ZFPM1: variants seen among roughly 807,000 people sequenced by gnomAD.
ZFPM1 encodes zinc finger protein, FOG family member 1, also known as zinc finger protein ZFPM1.
Under a neutral mutation model 46.3 loss-of-function variants are expected in ZFPM1, and 28 were observed. That is an observed-to-expected ratio of 0.60 (90% CI 0.45 to 0.83). The LOEUF (loss-of-function observed/expected upper bound fraction) is 0.83. Among genes scored for constraint, ZFPM1 ranks in the 40% least tolerant of loss-of-function variants. The pLI, the probability that ZFPM1 is intolerant of heterozygous loss-of-function variation, is 0.00. For missense variants in ZFPM1, 1,878 were observed against 1,432.4 expected (o/e 1.31, Z -5.02); for synonymous variants, 957 against 675.9 (o/e 1.42, Z -6.45).
rs767309616 is a variant in ZFPM1 at position 88,533,712 on chromosome 16, C to T, written c.1754C>T (p.Thr585Ile). Residue 585 changes from threonine (T) to isoleucine (I), a missense_variant, in exon 10 of 10, where the codon ACC becomes ATC. Thr to Ile is a moderately conservative substitution (Grantham distance 89, BLOSUM62 -1). Transcript: ENST00000319555. ...GCTACGTGCTTCGAGTGCGAGATCA[C>T]CTTCAGCAACGTCAACAACTACTAC... ...KGATCFECEI[T>I]FSNVNNYYVH... is the part of the protein sequence containing the mutation. 3 of 1,515,768 alleles carry T rather than the reference C, an allele frequency of 2.0e-6. No individual in the cohort carries two copies. Among genetic ancestry groups the T allele is most frequent in the Non-Finnish European group, 2.7e-6 (3 of 1,127,060 alleles). 93.9% of individuals were successfully genotyped at this position (1,515,768 alleles called of 1,614,324 possible).
intron 1 of ZFPM1, among the ~76,000 whole-genome samples, chr16:88,459,585 TC>T (rs1330899511): frequency 4.8e-5 from 4 of 82,916 alleles, no homozygotes; most frequent in African/African-American, 2.0e-4. Context: ...TTCTTCCTCC[TC>T]CCCCTCCTCC....
chr16:88,532,757 C>T (rs767439643), intron 8 of ZFPM1, 32 bp from the exon 9 acceptor site: 1 of 1,612,902 alleles, frequency 6.2e-7, no homozygotes, highest in Non-Finnish European at 8.5e-7. Context: ...CCTCCCCGCC[C>T]TGGGCCTTGA....
At chr16:88,504,502 G>T (rs548056911) in intron 3 of ZFPM1, among the ~76,000 whole-genome samples, 140 of 152,246 alleles carry the variant, frequency 9.2e-4, no homozygotes, top group African/African-American at 3.1e-3. Flanking sequence ...CAATCTCCCA[G>T]CTTGGAGGTG....
intron 3 of ZFPM1, chr16:88,489,404 G>A (rs912843709): frequency 2.0e-6 from 1 of 487,970 alleles, no homozygotes; most frequent in African/African-American, 2.0e-5. Context: ...CTGGATCAGA[G>A]CCTGGTCTGG....
chr16:88,469,152 A>G lies in ZFPM1; in HGVS notation c.40+15474A>G, dbSNP rs1908299601. On this transcript the variant is annotated intron_variant, in intron 1 of 9. Coordinates refer to ENST00000319555, the MANE Select transcript of ZFPM1 (RefSeq NM_153813.3). This position sits in a 1 kb window ranked among gnomAD's most constrained non-coding sequence, Gnocchi z 4.3. ...GCCTCCCACCCCCATGTCTGGGCCC[A>G]CTCCAGACCCTCCTGCAGGCTGCCC... 1 of 152,534 alleles carries G rather than the reference A, an allele frequency of 6.6e-6. No individual in the cohort carries two copies. Among genetic ancestry groups the G allele is most frequent in the Non-Finnish European group, 1.5e-5 (1 of 67,808 alleles). 9.4% of individuals were successfully genotyped at this position (152,534 alleles called of 1,614,324 possible).
rs1022957956 is a variant in ZFPM1, at chr16:88,470,919, G to A, written c.41-15020G>A. On this transcript the variant is annotated intron_variant, in intron 1 of 9. Transcript: ENST00000319555. ...TCGCCGAGCGCACAGTGGGAGCTCCGAGCAGGGGATGAGGTCGTCCAGGAA... is the reference window on the plus strand; with the variant it reads ...TCGCCGAGCGCACAGTGGGAGCTCCAAGCAGGGGATGAGGTCGTCCAGGAA... Among the ~76,000 whole-genome samples, 58 of 152,182 alleles carry A rather than the reference G, an allele frequency of 3.8e-4. 1 individual carries two copies. Among genetic ancestry groups the A allele is most frequent in the Admixed American group, 2.6e-4 (4 of 15,292 alleles).
At chr16:88,474,981 G>C (rs1440938943) in intron 1 of ZFPM1, among the ~76,000 whole-genome samples, 4 of 152,256 alleles carry the variant, frequency 2.6e-5, no homozygotes, top group Non-Finnish European at 1.5e-5. Flanking sequence ...ACTTGGCCCT[G>C]AATGGCAGCT....
rs531757852 is a variant in ZFPM1 at position 88,495,583 on chromosome 16, C to T, written c.268+6430C>T. The stretch of plus-strand genomic sequence containing the variant: ...TCTGGGAGGCAGCGTGGTGCAGGCA[C>T]CGAGGGTGGGAAGGATGGCCTGAGA... On this transcript the variant is annotated intron_variant, in intron 3 of 9. Transcript: ENST00000319555. Among the ~76,000 whole-genome samples, 7 of 152,318 alleles carry T rather than the reference C, an allele frequency of 4.6e-5. No homozygotes were observed. In the East Asian group the frequency reaches 1.4e-3, roughly 29 times the overall value.
intron 4 of ZFPM1, chr16:88,516,037 C>T (rs1911275169): frequency 5.0e-6 from 2 of 398,124 alleles, no homozygotes; most frequent in East Asian, 7.1e-5. Flanking sequence ...CTGTGAGTTC[C>T]AGACACACCA....
intron 4 of ZFPM1, among the ~76,000 whole-genome samples, chr16:88,519,293 A>ATGGATGAG (rs565418889): frequency 1.4e-5 from 2 of 145,276 alleles, no homozygotes; most frequent in African/African-American, 5.3e-5. Context: ...GGATGGATGG[A>ATGGATGAG]TGGGTGGGTG....
At chr16:88,518,850 G>A (rs1362118233) in intron 4 of ZFPM1, among the ~76,000 whole-genome samples, 1 of 147,958 alleles carries the variant, frequency 6.8e-6, no homozygotes, top group Non-Finnish European at 1.5e-5. Flanking sequence ...GTAGGTAGAT[G>A]GATTGACGGT....
At chr16:88,474,736 G>A (rs992617179) in intron 1 of ZFPM1, among the ~76,000 whole-genome samples, 6 of 152,192 alleles carry the variant, frequency 3.9e-5, no homozygotes, top group Non-Finnish European at 5.9e-5. Context: ...GAGCCTCCGC[G>A]GCATCCTCCA....
Position 88,474,481 on chromosome 16 carries a change from G to A in ZFPM1, c.41-11458G>A, listed in dbSNP as rs144947010. 5.5e-3 allele frequency among the ~76,000 whole-genome samples: 843 copies of A among 152,234 alleles called. 6 individuals carry two copies. The highest frequency in any genetic ancestry group is 0.019 in the African/African-American group (797 of 41,542). Reference sequence around the variant, plus strand: ...TGATGGTGGCTTCTCACGGTGCCCAGAATAAAACCCCAGCTCCCTCCAAAG... The same window carrying A: ...TGATGGTGGCTTCTCACGGTGCCCAAAATAAAACCCCAGCTCCCTCCAAAG... On this transcript the variant is annotated intron_variant, in intron 1 of 9. Transcript: ENST00000319555.
rs771559762 is a variant in ZFPM1 at position 88,533,396 on chromosome 16, G to A, written c.1438G>A (p.Glu480Lys). The A allele has an allele frequency of 5.1e-4, 781 of 1,518,878 alleles. No individual in the cohort carries two copies. The highest frequency in any genetic ancestry group is 6.5e-4 in the Non-Finnish European group (736 of 1,140,210). The allele number at this position is 1,518,878 out of a possible 1,614,324, so 94.1% of individuals were successfully genotyped here. The change falls in exon 10 of 10, where the codon GAG becomes AAG. Residue 480 changes from glutamate (E) to lysine (K), a missense_variant. Transcript: ENST00000319555. ...PEAAPILGPG[E>K]PGPQAPSRTP... ...GGCGGCCCCCATCCTGGGCCCCGGA[G>A]AGCCTGGGCCCCAGGCCCCGTCGCG... is the stretch of plus-strand genomic sequence containing the variant.
rs1908431175 is a variant in ZFPM1 at position 88,471,705 on chromosome 16, C to G, written c.41-14234C>G. 6.6e-6 allele frequency among the ~76,000 whole-genome samples: 1 copy of G among 152,242 alleles called. No individual in the cohort carries two copies. The highest frequency in any genetic ancestry group is 1.5e-5 in the Non-Finnish European group (1 of 68,042). On this transcript the variant is annotated intron_variant, in intron 1 of 9. Coordinates refer to ENST00000319555, the MANE Select transcript of ZFPM1 (RefSeq NM_153813.3). The surrounding 1 kb of genome is among the most constrained non-coding windows in gnomAD (Gnocchi z 4.1). ...AGTGGAGGGGTCAGGGCTCCCGGCTCTAAAGCCACATGGCCTGGGCATGAA... is the reference window on the plus strand; with the variant it reads ...AGTGGAGGGGTCAGGGCTCCCGGCTGTAAAGCCACATGGCCTGGGCATGAA...
chr16:88,454,920 G>T (rs189878312), intron 1 of ZFPM1, among the ~76,000 whole-genome samples: 1 of 152,206 alleles, frequency 6.6e-6, no homozygotes, highest in African/African-American at 2.4e-5. Context: ...GCCTGTGGGA[G>T]CTTCCCTACT....
Position 88,533,531 on chromosome 16 carries a change from T to C in ZFPM1, c.1573T>C (p.Phe525Leu). 6 of 1,454,562 alleles carry C rather than the reference T, an allele frequency of 4.1e-6. No individual in the cohort carries two copies. Among genetic ancestry groups the C allele is most frequent in the Non-Finnish European group, 5.4e-6 (6 of 1,106,244 alleles). 90.1% of individuals were successfully genotyped at this position (1,454,562 alleles called of 1,614,324 possible). Residue 525 changes from phenylalanine (F) to leucine (L), a missense_variant, in exon 10 of 10, where the codon TTC (phenylalanine) becomes CTC (leucine). Physicochemically the swap from Phe to Leu is conservative, Grantham distance 22. Transcript: ENST00000319555. The stretch of plus-strand genomic sequence containing the variant: ...CGAGCTGGGCCTGGCCGGGGCCCTG[T>C]TCCTTCCGCAGTACGTGTTCGGGCC... ...PGELGLAGALFLPQYVFGPDA... is the reference protein window; with the variant it reads ...PGELGLAGALLLPQYVFGPDA...
At chr16:88,503,080 G>A (rs1041468306) in intron 3 of ZFPM1, among the ~76,000 whole-genome samples, 18 of 152,248 alleles carry the variant, frequency 1.2e-4, no homozygotes, top group African/African-American at 3.1e-4. Flanking sequence ...GGATGAGCAC[G>A]GCGCCCCTGG....
chr16:88,491,755 C>T (rs1909590471), intron 3 of ZFPM1, among the ~76,000 whole-genome samples: 1 of 152,208 alleles, frequency 6.6e-6, no homozygotes, highest in African/African-American at 2.4e-5. Context: ...TATCGGCTCC[C>T]GCAGATATGA....
Sources: gnomAD v4.1 joint callset for allele counts (sites outside exome capture counted in the v4.1 genomes callset) on GRCh38, gnomAD v4.1.1 for gene constraint, Gnocchi (gnomAD v3.1) non-coding constraint, MANE v1.5 for transcripts, NCBI Gene and HGNC (gene_info 2026-07-23, HGNC 2026-07-21) for gene names.